KHDC4: variants seen among roughly 807,000 people sequenced by gnomAD.
KHDC4 encodes the protein KH homology domain-containing protein 4.
A neutral mutation model predicts 74.5 loss-of-function variants in KHDC4; 19 were observed. The ratio of observed to expected loss-of-function variants is 0.26; its 90% CI spans 0.18 to 0.37. The LOEUF (loss-of-function observed/expected upper bound fraction) is 0.37. Ranked by LOEUF, KHDC4 falls within the 10% of genes least tolerant of loss-of-function variation. The pLI, the probability that KHDC4 is intolerant of heterozygous loss-of-function variation, is 1.00. For missense variants in KHDC4, 632 were observed against 754.1 expected (o/e 0.84, Z 1.90); for synonymous variants, 253 against 266.1 (o/e 0.95, Z 0.48).
At chr1:155,928,232 G>A (rs906707257) in intron 4 of KHDC4, among the ~76,000 whole-genome samples, 1 of 152,046 alleles carries the variant, frequency 6.6e-6, no homozygotes, top group African/African-American at 2.4e-5. Flanking sequence ...AATTTAGCCG[G>A]GTGTGGTGGC....
At position 155,921,556 on chromosome 1, in the gene KHDC4, G is replaced by C. The variant is rs1673863742; in HGVS notation, c.1085C>G (p.Ser362Cys). 8 of 1,614,110 alleles carry C rather than the reference G, an allele frequency of 5.0e-6. No individual in the cohort carries two copies. Among genetic ancestry groups the C allele is most frequent in the Non-Finnish European group, 6.8e-6 (8 of 1,180,002 alleles). The change falls in exon 10 of 14, where the codon TCT (serine) becomes TGT (cysteine). Residue 362 changes from serine (S) to cysteine (C), a missense_variant. Transcript: ENST00000368321. ...AGGAGGGGGAACAACAGGGTAACCA[G>C]ACTGATAGCCATTGGATGGATAATA... ...PPYYPSNGYQ[S>C]GYPVVPPPQQ...
At chr1:155,920,174 TCA>T in intron 10 of KHDC4, 1 of 265,116 alleles carries the variant, frequency 3.8e-6, no homozygotes, top group Non-Finnish European at 8.0e-6. Context: ...GTGCGGTGGC[TCA>T]CACCTGTAAT....
At position 155,923,748 on chromosome 1, in the gene KHDC4, G is replaced by A. The variant is rs995764687; in HGVS notation, c.894-61C>T. On this transcript the variant is annotated intron_variant, in intron 7 of 13. Coordinates refer to ENST00000368321, the MANE Select transcript of KHDC4 (RefSeq NM_014949.4). Reference sequence around the variant, plus strand: ...AAATAAATAAAAGATGCAGAATTCTGCTTTCATTTTCCATGCTATTTTACA... The same window carrying A: ...AAATAAATAAAAGATGCAGAATTCTACTTTCATTTTCCATGCTATTTTACA... 8.5e-6 allele frequency: 11 copies of A among 1,289,444 alleles called. No individual in the cohort carries two copies. The Admixed American group carries it at 8.6e-5, about 10-fold the overall frequency. 79.9% of individuals were successfully genotyped at this position (1,289,444 alleles called of 1,614,324 possible). A position where few individuals can be genotyped will look rare whatever the true frequency, so the allele number is the denominator to read the frequency against.
At chr1:155,926,036 T>G in intron 6 of KHDC4, 193 bp from the exon 7 acceptor site, 1 of 749,184 alleles carries the variant, frequency 1.3e-6, no homozygotes, top group Non-Finnish European at 2.4e-6. Flanking sequence ...CTAGGAGGAA[T>G]GTATCAGCAA....
intron 8 of KHDC4, among the ~76,000 whole-genome samples, chr1:155,922,963 T>C (rs1260011303): frequency 6.6e-6 from 1 of 152,164 alleles, no homozygotes; most frequent in Non-Finnish European, 1.5e-5. Flanking sequence ...CCCAGCACTT[T>C]GGGAGGCCGA....
intron 10 of KHDC4, 26 bp from the exon 11 acceptor site, chr1:155,917,698 A>C: frequency 2.7e-6 from 4 of 1,471,074 alleles, no homozygotes; most frequent in Non-Finnish European, 3.6e-6. Flanking sequence ...ACCAAGGAAG[A>C]AAAAAAGTGT....
In KHDC4 at chr1:155,913,081, C is replaced by CT. The variant is rs1457846994; in HGVS notation, c.*1039dup. 6.6e-6 allele frequency: 1 copy of CT among 152,566 alleles called. No individual in the cohort carries two copies. The highest frequency in any genetic ancestry group is 1.5e-5 in the Non-Finnish European group (1 of 68,044). 9.5% of individuals were successfully genotyped at this position (152,566 alleles called of 1,614,324 possible). On this transcript the variant is annotated 3_prime_UTR_variant, in exon 14 of 14. Coordinates refer to ENST00000368321, the MANE Select transcript of KHDC4 (RefSeq NM_014949.4). ...GATTTATTTATAATGAAATTATGGT[C>CT]TAAATATTTACAACATATAGGAAAC...
intron 13 of KHDC4, 71 bp from the exon 14 acceptor site, chr1:155,914,391 A>C (rs1673688095): frequency 8.0e-7 from 1 of 1,246,168 alleles, no homozygotes; most frequent in South Asian, 1.3e-5. Flanking sequence ...TAAATTCGTT[A>C]ATTAAAAAAA....
chr1:155,918,593 ATTC>A (rs1673784523), intron 10 of KHDC4, among the ~76,000 whole-genome samples: 2 of 152,220 alleles, frequency 1.3e-5, no homozygotes, highest in African/African-American at 2.4e-5. Context: ...GATATGGCCT[ATTC>A]TTCTAGGCTA....
chr1:155,921,458 A>G lies in KHDC4; in HGVS notation c.1183T>C (p.Leu395=), dbSNP rs1317688293. 1 of 1,614,166 alleles carries G rather than the reference A, an allele frequency of 6.2e-7. No individual in the cohort carries two copies. ...GGGACTCCAGTAGGTAATGCCGGCA[A>G]GACTCCAGGTGCTAATGAAACAGCT... ...PPAVSLAPGV[L]PALPTGVPPV... The change falls in exon 10 of 14, where the codon TTG becomes CTG. Residue 395 remains leucine (L), a synonymous_variant. Transcript: ENST00000368321.
In KHDC4 at chr1:155,913,694, A is replaced by G. The variant is rs1434043116; in HGVS notation, c.*427T>C. The stretch of plus-strand genomic sequence containing the variant: ...CGGTCTTAAAATCATTTCCCCACTA[A>G]TAAATAGTAAGGCTCTGTTTGTAAC... On this transcript the variant is annotated 3_prime_UTR_variant, in exon 14 of 14. Coordinates refer to ENST00000368321, the MANE Select transcript of KHDC4 (RefSeq NM_014949.4). The G allele has an allele frequency of 6.3e-6, 1 of 159,224 alleles. No homozygotes were observed. Among genetic ancestry groups the G allele is most frequent in the Admixed American group, 6.2e-5 (1 of 16,234 alleles). 9.9% of individuals were successfully genotyped at this position (159,224 alleles called of 1,614,324 possible). A position where few individuals can be genotyped will look rare whatever the true frequency, so the allele number is the denominator to read the frequency against.
rs1377710471 is a variant in KHDC4 at position 155,932,030 on chromosome 1, G to A, written c.255+1603C>T. ...TTGGCAGGTGGCTAATGTGACTAAAGGTCTAAATTTTAAATTGTATTTTGG... is the reference window on the plus strand; with the variant it reads ...TTGGCAGGTGGCTAATGTGACTAAAAGTCTAAATTTTAAATTGTATTTTGG... On this transcript the variant is annotated intron_variant, in intron 2 of 13. Coordinates refer to ENST00000368321, the MANE Select transcript of KHDC4 (RefSeq NM_014949.4). Among the ~76,000 whole-genome samples the A allele has an allele frequency of 2.6e-5, 4 of 152,264 alleles. No homozygotes were observed. In the East Asian group the frequency reaches 7.7e-4, roughly 29 times the overall value.
intron 4 of KHDC4, among the ~76,000 whole-genome samples, chr1:155,927,874 A>AC (rs1557970777): frequency 0.011 from 753 of 68,116 alleles, 22 homozygotes; most frequent in African/African-American, 0.037. Flanking sequence ...ACACACACAC[A>AC]AAATTAATGG....
Position 155,914,084 on chromosome 1 carries a change from A to G in KHDC4, c.*37T>C, listed in dbSNP as rs1260477294. 1.3e-6 allele frequency: 2 copies of G among 1,528,496 alleles called. No homozygotes were observed. Among genetic ancestry groups the G allele is most frequent in the Non-Finnish European group, 1.8e-6 (2 of 1,102,100 alleles). The allele number at this position is 1,528,496 out of a possible 1,614,324, so 94.7% of individuals were successfully genotyped here. ...TCAAATGCATGCATTATTGCTAAGA[A>G]GAGTCACTGAGGGTCAAAACTCTGT... On this transcript the variant is annotated 3_prime_UTR_variant, in exon 14 of 14. Transcript: ENST00000368321.
In KHDC4 at chr1:155,927,218, G is replaced by A. The variant is rs867642716; in HGVS notation, c.465-62C>T. Reference sequence around the variant, plus strand: ...GTCAAAACCAAAAAAGGAGTCAAATGGGTCACCAGATCTAATTTGTAATGT... The same window carrying A: ...GTCAAAACCAAAAAAGGAGTCAAATAGGTCACCAGATCTAATTTGTAATGT... On this transcript the variant is annotated intron_variant, in intron 4 of 13. Coordinates refer to ENST00000368321, the MANE Select transcript of KHDC4 (RefSeq NM_014949.4). 3.3e-5 allele frequency: 40 copies of A among 1,223,646 alleles called. 3 individuals carry two copies. The Middle Eastern group carries it at 5.1e-3, about 156-fold the overall frequency. 75.8% of individuals were successfully genotyped at this position (1,223,646 alleles called of 1,614,324 possible).
chr1:155,924,229 C>T (rs919958379), intron 7 of KHDC4, among the ~76,000 whole-genome samples: 5 of 152,144 alleles, frequency 3.3e-5, no homozygotes, highest in South Asian at 2.1e-4. Flanking sequence ...AGGCAGGAGG[C>T]GACAGAATCT....
chr1:155,927,280 T>C, intron 4 of KHDC4, 124 bp from the exon 5 acceptor site: 2 of 682,956 alleles, frequency 2.9e-6, no homozygotes, highest in Non-Finnish European at 5.1e-6. Context: ...ACTATATACA[T>C]TAGAAGGGTT....
chr1:155,925,385 C>T (rs888616890), intron 7 of KHDC4, among the ~76,000 whole-genome samples: 1 of 151,952 alleles, frequency 6.6e-6, no homozygotes, highest in African/African-American at 2.4e-5. Flanking sequence ...CCAGGCTGGC[C>T]TCAAACTCCT....
At chr1:155,928,593 C>CAAAAAAAAAA (rs10555758) in intron 4 of KHDC4, among the ~76,000 whole-genome samples, 20 of 89,328 alleles carry the variant, frequency 2.2e-4, no homozygotes, top group Non-Finnish European at 3.1e-4. Context: ...ATCATAAAGA[C>CAAAAAAAAAA]AAAAAAAAAA....
Sources: gnomAD v4.1 joint callset for allele counts (sites outside exome capture counted in the v4.1 genomes callset) on GRCh38, gnomAD v4.1.1 for gene constraint, MANE v1.5 for transcripts, NCBI Gene and HGNC (gene_info 2026-07-23, HGNC 2026-07-21) for gene names.